The following VAV3 variants were observed in gnomAD, a reference collection of about 807,000 sequenced individuals.
The protein encoded by VAV3 is guanine nucleotide exchange factor VAV3.
VAV3 carries 94 observed loss-of-function variants against 131.2 expected under a neutral mutation model. The observed-to-expected ratio is 0.72, with a 90% CI of 0.61 to 0.85. The LOEUF (loss-of-function observed/expected upper bound fraction) is 0.85, where lower values mean the gene tolerates loss of function less well. VAV3 is among the 40% of genes least tolerant of loss of function. VAV3 has a pLI of 0.00. For synonymous variants in VAV3, 349 were observed against 342.0 expected, an observed-to-expected ratio of 1.02 and a Z score of -0.22; for missense variants, 939 against 1,002.7, an observed-to-expected ratio of 0.94 and a Z score of 0.86.
intron 25 of VAV3, among the ~76,000 whole-genome samples, chr1:107,589,777 A>C (rs1398640567): frequency 6.6e-6 from 1 of 152,228 alleles, no homozygotes; most frequent in African/African-American, 2.4e-5. Flanking sequence ...GCTGAATTAA[A>C]AGGGCAAGGG....
intron 2 of VAV3, among the ~76,000 whole-genome samples, chr1:107,788,215 C>T (rs1238788099): frequency 6.6e-6 from 1 of 152,040 alleles, no homozygotes; most frequent in Non-Finnish European, 1.5e-5. Flanking sequence ...GGTTGTATGA[C>T]ATTTCAAAAC....
intron 2 of VAV3, among the ~76,000 whole-genome samples, chr1:107,847,174 T>A (rs922140417): frequency 1.3e-5 from 2 of 152,122 alleles, no homozygotes; most frequent in African/African-American, 4.8e-5. Context: ...GAACGACTAC[T>A]GGGTAAATAA....
chr1:107,732,237 G>A (rs1420506597), intron 15 of VAV3, among the ~76,000 whole-genome samples: 1 of 152,132 alleles, frequency 6.6e-6, no homozygotes, highest in Admixed American at 6.5e-5. Context: ...TAAGTCTTGG[G>A]CAGCCGTTTC....
intron 19 of VAV3, among the ~76,000 whole-genome samples, chr1:107,666,975 A>C (rs12069805): frequency 6.6e-6 from 1 of 152,100 alleles, no homozygotes; most frequent in African/African-American, 2.4e-5. Flanking sequence ...TCAAAAAGGC[A>C]TCATAAGCCA....
At chr1:107,912,599 A>G (rs764945612) in intron 1 of VAV3, among the ~76,000 whole-genome samples, 1 of 152,200 alleles carries the variant, frequency 6.6e-6, no homozygotes, top group Non-Finnish European at 1.5e-5. Flanking sequence ...CTCCACCTAC[A>G]CTACTCTCTC....
intron 1 of VAV3, among the ~76,000 whole-genome samples, chr1:107,950,841 T>G (rs1674497398): frequency 6.6e-6 from 1 of 152,094 alleles, no homozygotes; most frequent in Admixed American, 6.5e-5. Context: ...GGATAATGGC[T>G]TAGTAGATGT....
chr1:107,923,217 G>A lies in VAV3; in HGVS notation c.204+41449C>T, dbSNP rs984598114. On this transcript the variant is annotated intron_variant, in intron 1 of 26. Transcript: ENST00000370056. ...GGACTCATATGGTATATTTCTGTGC[G>A]TTTGGGTTTTGTTTTGGAATTGCTT... Among the ~76,000 whole-genome samples the A allele has an allele frequency of 3.9e-5, 6 of 152,130 alleles. No individual in the cohort carries two copies. The East Asian group carries it at 1.2e-3, about 29-fold the overall frequency.
intron 1 of VAV3, among the ~76,000 whole-genome samples, chr1:107,957,502 T>C (rs986772645): frequency 1.3e-5 from 2 of 152,120 alleles, no homozygotes; most frequent in Admixed American, 1.3e-4. Flanking sequence ...TCAGTATGAA[T>C]TTGGGATCCA....
At chr1:107,848,379 G>A (rs976034841) in intron 2 of VAV3, among the ~76,000 whole-genome samples, 3 of 150,654 alleles carry the variant, frequency 2.0e-5, no homozygotes, top group African/African-American at 2.4e-5. Flanking sequence ...TGTCCATCAC[G>A]ATCAAGTCAG....
chr1:107,747,748 T>C (rs960082642), intron 15 of VAV3, among the ~76,000 whole-genome samples: 1 of 152,210 alleles, frequency 6.6e-6, no homozygotes. Context: ...GCTTTCATTA[T>C]GCAGCCAGTT....
chr1:107,751,024 C>T, intron 13 of VAV3, 93 bp downstream of exon 13: 1 of 1,208,742 alleles, frequency 8.3e-7, no homozygotes, highest in Non-Finnish European at 1.2e-6. Flanking sequence ...TCCTTTTTTC[C>T]CCCTACTTCA....
At chr1:107,628,008 T>C (rs1046587295) in intron 20 of VAV3, among the ~76,000 whole-genome samples, 5 of 149,628 alleles carry the variant, frequency 3.3e-5, no homozygotes, top group East Asian at 3.9e-4. Context: ...GGAAGAAGGA[T>C]AAAAAGACCC....
At chr1:107,807,697 T>G (rs1239685717) in intron 2 of VAV3, among the ~76,000 whole-genome samples, 1 of 152,242 alleles carries the variant, frequency 6.6e-6, no homozygotes, top group East Asian at 1.9e-4. Context: ...TGCAAACATC[T>G]GAGACCAAAA....
intron 9 of VAV3, 137 bp downstream of exon 9, chr1:107,764,939 G>A (rs1664652982): frequency 1.7e-6 from 1 of 602,710 alleles, no homozygotes; most frequent in African/African-American, 1.9e-5. Flanking sequence ...TTATAGAGCT[G>A]TTTAAATATT....
intron 19 of VAV3, among the ~76,000 whole-genome samples, chr1:107,666,395 G>A (rs1401183889): frequency 1.3e-5 from 2 of 152,106 alleles, no homozygotes; most frequent in African/African-American, 4.8e-5. Flanking sequence ...GGTGATATCT[G>A]CAATTTGGAA....
intron 25 of VAV3, among the ~76,000 whole-genome samples, chr1:107,583,717 C>G (rs1650255859): frequency 6.6e-6 from 1 of 151,230 alleles, no homozygotes; most frequent in Admixed American, 6.6e-5. Context: ...AGGACCTCTT[C>G]AAGGAGAACT....
chr1:107,623,176 T>C (rs539292914), intron 20 of VAV3, among the ~76,000 whole-genome samples: 1 of 152,324 alleles, frequency 6.6e-6, no homozygotes, highest in African/African-American at 2.4e-5. Flanking sequence ...GTTCTATTTC[T>C]AGCTCTGCTA....
At chr1:107,808,605 C>T (rs963227660) in intron 2 of VAV3, among the ~76,000 whole-genome samples, 1 of 152,056 alleles carries the variant, frequency 6.6e-6, no homozygotes, top group Non-Finnish European at 1.5e-5. Flanking sequence ...ATCAGCTGCC[C>T]TCACAAGTCA....
intron 15 of VAV3, among the ~76,000 whole-genome samples, chr1:107,706,387 T>C (rs1160959594): frequency 1.3e-5 from 2 of 152,244 alleles, no homozygotes; most frequent in Middle Eastern, 3.4e-3. Context: ...GTCAGAGAGG[T>C]CAGCCTTCCA....
Sources: gnomAD v4.1 joint callset for allele counts (sites outside exome capture counted in the v4.1 genomes callset) on GRCh38, gnomAD v4.1.1 for gene constraint, MANE v1.5 for transcripts, NCBI Gene and HGNC (gene_info 2026-07-23, HGNC 2026-07-21) for gene names.